Variants in COL22A1 observed in about 807,000 individuals in gnomAD.
The protein encoded by COL22A1 is collagen alpha-1(XXII) chain.
A neutral mutation model predicts 248.9 loss-of-function variants in COL22A1; 221 were observed. That is an observed-to-expected ratio of 0.89 (90% CI 0.80 to 0.99). COL22A1 has a LOEUF of 0.99. COL22A1 is among the 50% of genes least tolerant of loss of function. The pLI is 0.00. For synonymous variants in COL22A1, 891 were observed against 793.4 expected (o/e 1.12, Z -2.07); for missense variants, 2,240 against 2,179.0 (o/e 1.03, Z -0.56).
intron 47 of COL22A1, among the ~76,000 whole-genome samples, chr8:138,643,101 G>T (rs1238140102): frequency 6.6e-6 from 1 of 151,978 alleles, no homozygotes; most frequent in Non-Finnish European, 1.5e-5. Flanking sequence ...GACAGCAAAG[G>T]TTACTTAAGG....
chr8:138,821,109 G>T (rs1395146144), intron 7 of COL22A1, 27 bp downstream of exon 7: 2 of 1,604,904 alleles, frequency 1.2e-6, no homozygotes, highest in Non-Finnish European at 1.7e-6. Context: ...CTGGAACCTG[G>T]GCTGCAGAAG....
intron 42 of COL22A1, among the ~76,000 whole-genome samples, chr8:138,663,171 G>A (rs566818760): frequency 2.0e-5 from 3 of 152,282 alleles, no homozygotes; most frequent in East Asian, 1.9e-4. Context: ...ATAGGAAATC[G>A]CATTTTCCCA....
chr8:138,663,091 C>T (rs996441607), intron 42 of COL22A1, among the ~76,000 whole-genome samples: 2 of 151,854 alleles, frequency 1.3e-5, no homozygotes, highest in East Asian at 1.9e-4. Flanking sequence ...ATTTAAAATA[C>T]GTTCACATGG....
chr8:138,866,156 T>C (rs1012034848), intron 3 of COL22A1, among the ~76,000 whole-genome samples: 2 of 152,208 alleles, frequency 1.3e-5, no homozygotes, highest in African/African-American at 4.8e-5. Context: ...GCTTTGACAC[T>C]TGTTTTCCTT....
At chr8:138,783,949 C>T (rs190417122) in intron 12 of COL22A1, among the ~76,000 whole-genome samples, 289 of 152,290 alleles carry the variant, frequency 1.9e-3, no homozygotes, top group Non-Finnish European at 3.6e-3. Context: ...GAGCCCAGAG[C>T]CCAGAGCCCA....
chr8:138,742,107 TG>T (rs200034586), intron 22 of COL22A1, among the ~76,000 whole-genome samples: 520 of 151,688 alleles, frequency 3.4e-3, no homozygotes, highest in African/African-American at 0.012. Context: ...GCCATGGTGA[TG>T]GTGATGGTGG....
chr8:138,666,654 A>T (rs1824527613), intron 41 of COL22A1, among the ~76,000 whole-genome samples: 1 of 152,040 alleles, frequency 6.6e-6, no homozygotes, highest in Non-Finnish European at 1.5e-5. Context: ...CCCAGGGAGG[A>T]TGGATATGTA....
intron 9 of COL22A1, among the ~76,000 whole-genome samples, chr8:138,810,599 G>A (rs1818127142): frequency 6.6e-6 from 1 of 152,196 alleles, no homozygotes; most frequent in Admixed American, 6.5e-5. Flanking sequence ...GCTCACAGCA[G>A]GCTTCCAGCT....
intron 23 of COL22A1, among the ~76,000 whole-genome samples, chr8:138,728,527 C>T (rs754785649): frequency 5.3e-5 from 8 of 152,052 alleles, no homozygotes; most frequent in Admixed American, 2.0e-4. Flanking sequence ...CCCAGGAAGC[C>T]GGCCCCCTGA....
chr8:138,781,244 G>A (rs1814964512), intron 12 of COL22A1, among the ~76,000 whole-genome samples: 2 of 152,204 alleles, frequency 1.3e-5, no homozygotes, highest in African/African-American at 4.8e-5. Flanking sequence ...GTGGGAGGAA[G>A]CAGCTCTGGT....
chr8:138,849,037 C>A (rs1028377744), intron 3 of COL22A1, among the ~76,000 whole-genome samples: 7 of 152,140 alleles, frequency 4.6e-5, no homozygotes, highest in Non-Finnish European at 5.9e-5. Context: ...GAAGCAGAAG[C>A]CCAGCAGACA....
At chr8:138,901,956 A>G (rs1254288141) in intron 1 of COL22A1, among the ~76,000 whole-genome samples, 2 of 152,012 alleles carry the variant, frequency 1.3e-5, no homozygotes, top group Non-Finnish European at 2.9e-5. Flanking sequence ...CGAGCTCCCC[A>G]TGAGTCAAAT....
At chr8:138,854,230 A>C (rs1445509637) in intron 3 of COL22A1, among the ~76,000 whole-genome samples, 1 of 152,154 alleles carries the variant, frequency 6.6e-6, no homozygotes, top group Non-Finnish European at 1.5e-5. Flanking sequence ...AGAGCAGAGG[A>C]GTGAGGGCAT....
At chr8:138,879,462 C>T (rs929159231) in intron 2 of COL22A1, among the ~76,000 whole-genome samples, 32 of 152,162 alleles carry the variant, frequency 2.1e-4, no homozygotes, top group Non-Finnish European at 2.9e-4. Flanking sequence ...GAGGTCAAGG[C>T]GGGCAGATCA....
chr8:138,848,339 C>G (rs1051245362), intron 3 of COL22A1, among the ~76,000 whole-genome samples: 7 of 152,198 alleles, frequency 4.6e-5, no homozygotes, highest in Admixed American at 3.9e-4. Context: ...TCTCTTCACA[C>G]AGCATGCGTT....
intron 7 of COL22A1, among the ~76,000 whole-genome samples, chr8:138,820,149 A>G (rs1450374847): frequency 2.6e-5 from 4 of 152,232 alleles, no homozygotes; most frequent in Non-Finnish European, 5.9e-5. Flanking sequence ...AAAAAAAGCC[A>G]GATGTAGTCC....
intron 51 of COL22A1, among the ~76,000 whole-genome samples, chr8:138,625,649 A>G (rs981384960): frequency 2.0e-5 from 3 of 152,214 alleles, no homozygotes; most frequent in African/African-American, 7.2e-5. Flanking sequence ...TCATAAAGAA[A>G]TTTTTAAAAT....
chr8:138,867,188 G>GT (rs1822965169), intron 3 of COL22A1, among the ~76,000 whole-genome samples: 1 of 152,212 alleles, frequency 6.6e-6, no homozygotes, highest in Non-Finnish European at 1.5e-5. Context: ...TTGTGGTCCA[G>GT]TAACACAATT....
chr8:138,592,746 G>A (rs560039545), intron 63 of COL22A1, among the ~76,000 whole-genome samples: 1 of 152,140 alleles, frequency 6.6e-6, no homozygotes, highest in African/African-American at 2.4e-5. Flanking sequence ...GGTCGGACAG[G>A]AGTGAATTAT....
Sources: allele counts gnomAD v4.1 joint callset (sites outside exome capture counted in the v4.1 genomes callset), GRCh38; gene constraint gnomAD v4.1.1; transcripts MANE v1.5; gene names NCBI Gene and HGNC (gene_info 2026-07-23, HGNC 2026-07-21).